RANBP3L: variants seen among roughly 807,000 people sequenced by gnomAD.
RANBP3L encodes ran-binding protein 3-like.
In RANBP3L, 56 loss-of-function variants were observed where a neutral mutation model predicts 67.2. The ratio of observed to expected loss-of-function variants is 0.83; its 90% CI spans 0.67 to 1.04. The LOEUF is 1.04. RANBP3L is among the 50% of genes least tolerant of loss of function. The pLI is 0.00. For missense variants in RANBP3L, 496 were observed against 535.5 expected, an observed-to-expected ratio of 0.93 and a Z score of 0.73; for synonymous variants, 164 against 181.4, an observed-to-expected ratio of 0.90 and a Z score of 0.77.
chr5:36,284,741 A>G (rs1056236313), intron 1 of RANBP3L, among the ~76,000 whole-genome samples: 17 of 152,244 alleles, frequency 1.1e-4, no homozygotes, highest in African/African-American at 4.1e-4. Context: ...CCTAATCAGT[A>G]AGCCACTTGC....
chr5:36,272,863 G>A (rs1286034511), intron 1 of RANBP3L, among the ~76,000 whole-genome samples: 11 of 152,088 alleles, frequency 7.2e-5, no homozygotes, highest in Non-Finnish European at 8.8e-5. Flanking sequence ...CGCTGGTCTC[G>A]ACCTCCTGAC....
At chr5:36,263,121 T>C (rs1307079733) in intron 6 of RANBP3L, among the ~76,000 whole-genome samples, 2 of 152,286 alleles carry the variant, frequency 1.3e-5, no homozygotes, top group East Asian at 1.9e-4. Flanking sequence ...GGATCTTATA[T>C]ACAGTGTGTC....
At chr5:36,264,368 T>A (rs1749605940) in intron 6 of RANBP3L, among the ~76,000 whole-genome samples, 1 of 152,134 alleles carries the variant, frequency 6.6e-6, no homozygotes. Context: ...ATTGAATATA[T>A]CCCCAAACCC....
In RANBP3L at chr5:36,270,133, A is replaced by T. The variant is rs533521380; in HGVS notation, c.151-143T>A. On this transcript the variant is annotated intron_variant, in intron 2 of 13. Transcript: ENST00000296604. ...CACCAACCTAGTACATCAGATTTCC[A>T]CCCTGCCACTTTACAGAATTCTCAG... is the stretch of plus-strand genomic sequence containing the variant. 13 of 694,466 alleles carry T rather than the reference A, an allele frequency of 1.9e-5. No homozygotes were observed. In the South Asian group the frequency reaches 2.0e-4, roughly 11 times the overall value. The allele number at this position is 694,466 out of a possible 1,614,324, so 43.0% of individuals were successfully genotyped here. A position where few individuals can be genotyped will look rare whatever the true frequency, so the allele number is the denominator to read the frequency against.
chr5:36,291,276 T>C (rs1332161212), intron 1 of RANBP3L, among the ~76,000 whole-genome samples: 1 of 152,114 alleles, frequency 6.6e-6, no homozygotes, highest in Non-Finnish European at 1.5e-5. Flanking sequence ...AAATTGCTCA[T>C]GTAAGTGGAA....
In RANBP3L at chr5:36,271,293, T is replaced by C; in HGVS notation, c.110A>G (p.Gln37Arg). 6.3e-7 allele frequency: 1 copy of C among 1,588,740 alleles called. No homozygotes were observed. The highest frequency in any genetic ancestry group is 8.6e-7 in the Non-Finnish European group (1 of 1,158,046). The change falls in exon 2 of 14, where the codon CAA becomes CGA. Residue 37 changes from glutamine (Q) to arginine (R), a missense_variant. Transcript: ENST00000296604. ...TCCCTTTTCAAAAACAAATATGGGT[T>C]GAGCAATGACAGATTTTTCTGTGAA... ...RRQQEKSVIA[Q>R]PIFVFEKGEQ...
rs1410721562 is a variant in RANBP3L, at chr5:36,253,966, CTTT to C, written c.1025-180_1025-178del. On this transcript the variant is annotated intron_variant, in intron 11 of 13. Transcript: ENST00000296604. ...ATCATACTTTATTATGTTGGGAGAA[CTTT>C]TTTATCTTAAATGCTGAAATTACAC... Among the ~76,000 whole-genome samples, 4 of 152,094 alleles carry C rather than the reference CTTT, an allele frequency of 2.6e-5. No homozygotes were observed. The East Asian group carries it at 7.7e-4, about 29-fold the overall frequency.
At chr5:36,279,332 G>A (rs1750814923) in intron 1 of RANBP3L, among the ~76,000 whole-genome samples, 1 of 152,152 alleles carries the variant, frequency 6.6e-6, no homozygotes, top group Non-Finnish European at 1.5e-5. Flanking sequence ...CTAGCCATAT[G>A]TGGGGGAACT....
intron 1 of RANBP3L, among the ~76,000 whole-genome samples, chr5:36,287,299 A>G (rs1016702007): frequency 2.6e-5 from 4 of 152,120 alleles, no homozygotes; most frequent in Admixed American, 2.0e-4. Flanking sequence ...TTTGCACTAT[A>G]TATTTTGCTC....
intron 1 of RANBP3L, among the ~76,000 whole-genome samples, chr5:36,299,566 A>C (rs988837839): frequency 6.6e-6 from 1 of 152,140 alleles, no homozygotes; most frequent in Admixed American, 6.6e-5. Flanking sequence ...GGCCAAAAAC[A>C]ATTTTTAAGA....
intron 1 of RANBP3L, among the ~76,000 whole-genome samples, chr5:36,278,009 GA>G (rs1750717067): frequency 6.6e-6 from 1 of 152,098 alleles, no homozygotes; most frequent in South Asian, 2.1e-4. Context: ...AACAGCTCAT[GA>G]AGGAAACCGT....
chr5:36,295,665 T>C (rs1752155446), intron 1 of RANBP3L, among the ~76,000 whole-genome samples: 1 of 139,284 alleles, frequency 7.2e-6, no homozygotes, highest in Non-Finnish European at 1.5e-5. Context: ...CAACATTTGT[T>C]ATATCCTGTT....
At chr5:36,300,101 T>C (rs1752512999) in intron 1 of RANBP3L, among the ~76,000 whole-genome samples, 1 of 152,178 alleles carries the variant, frequency 6.6e-6, no homozygotes. Context: ...ACTTTAACAT[T>C]TCATACAAAG....
intron 1 of RANBP3L, among the ~76,000 whole-genome samples, chr5:36,299,623 G>A (rs577610221): frequency 3.2e-4 from 49 of 152,088 alleles, no homozygotes; most frequent in African/African-American, 1.1e-3. Flanking sequence ...GAATTTATGC[G>A]AAGAAAATAA....
chr5:36,294,187 G>T (rs1482256717), intron 1 of RANBP3L, among the ~76,000 whole-genome samples: 2 of 151,990 alleles, frequency 1.3e-5, no homozygotes, highest in African/African-American at 2.4e-5. Flanking sequence ...GTTTATTTGC[G>T]TAGAGGTGTT....
At position 36,301,481 on chromosome 5, in the gene RANBP3L, A is replaced by G. The variant is rs1752614222; in HGVS notation, c.-65T>C. 2 of 1,264,550 alleles carry G rather than the reference A, an allele frequency of 1.6e-6. No homozygotes were observed. Among genetic ancestry groups the G allele is most frequent in the Non-Finnish European group, 2.3e-6 (2 of 870,108 alleles). 78.3% of individuals were successfully genotyped at this position (1,264,550 alleles called of 1,614,324 possible). A position where few individuals can be genotyped will look rare whatever the true frequency, so the allele number is the denominator to read the frequency against. ...CACCTCCTTCTCTGGCCAGTCACCT[A>G]AAGTGGCCTTCACCAGACACCCAGA... On this transcript the variant is annotated 5_prime_UTR_variant, in exon 1 of 14. Coordinates refer to ENST00000296604, the MANE Select transcript of RANBP3L (RefSeq NM_145000.5).
chr5:36,292,740 G>A (rs1196359159), intron 1 of RANBP3L, among the ~76,000 whole-genome samples: 6 of 152,000 alleles, frequency 3.9e-5, no homozygotes, highest in Non-Finnish European at 8.8e-5. Flanking sequence ...TGAGGGCTCT[G>A]TTCTGTTCCA....
chr5:36,294,655 TAACTTA>T (rs1486285764), intron 1 of RANBP3L, among the ~76,000 whole-genome samples: 1 of 151,524 alleles, frequency 6.6e-6, no homozygotes, highest in African/African-American at 2.4e-5. Context: ...TCATTTCATT[TAACTTA>T]ATGTCCTCAG....
At chr5:36,297,528 G>T (rs1460207826) in intron 1 of RANBP3L, among the ~76,000 whole-genome samples, 1 of 151,992 alleles carries the variant, frequency 6.6e-6, no homozygotes, top group Non-Finnish European at 1.5e-5. Context: ...GAAAATTAAT[G>T]AAATAATGTA....
Sources: gnomAD v4.1 joint callset for allele counts (sites outside exome capture counted in the v4.1 genomes callset) on GRCh38, gnomAD v4.1.1 for gene constraint, MANE v1.5 for transcripts, NCBI Gene and HGNC (gene_info 2026-07-23, HGNC 2026-07-21) for gene names.